Variants in FHIT observed in about 807,000 individuals in gnomAD.
FHIT encodes the protein fragile histidine triad diadenosine triphosphatase.
In FHIT, 19 loss-of-function variants were observed where a neutral mutation model predicts 17.9. The ratio of observed to expected loss-of-function variants is 1.06; its 90% CI spans 0.74 to 1.56. The LOEUF is 1.56. FHIT is among the 40% of genes most tolerant of loss of function. The pLI is 0.00. For missense variants in FHIT, 248 were observed against 189.2 expected (o/e 1.31, Z -1.82); for synonymous variants, 81 against 69.7 (o/e 1.16, Z -0.81).
chr3:60,031,392 A>T (rs1318813123), intron 5 of FHIT, among the ~76,000 whole-genome samples: 1 of 152,236 alleles, frequency 6.6e-6, no homozygotes, highest in Non-Finnish European at 1.5e-5. Flanking sequence ...AAAGGCAGTC[A>T]TTCTAGGAAG....
intron 8 of FHIT, among the ~76,000 whole-genome samples, chr3:59,803,504 G>A (rs933508813): frequency 6.6e-6 from 1 of 152,176 alleles, no homozygotes; most frequent in African/African-American, 2.4e-5. Context: ...TCATTAGAGT[G>A]GGGGATGTGC....
chr3:60,839,589 A>G (rs1702648558), intron 3 of FHIT, among the ~76,000 whole-genome samples: 1 of 152,176 alleles, frequency 6.6e-6, no homozygotes, highest in South Asian at 2.1e-4. Flanking sequence ...ACAGTGGCTG[A>G]GAAAAAAAAA....
intron 5 of FHIT, among the ~76,000 whole-genome samples, chr3:60,483,284 A>G (rs571389649): frequency 9.8e-5 from 15 of 152,316 alleles, no homozygotes; most frequent in Admixed American, 3.9e-4. Context: ...TTCTGAAACT[A>G]TTCCAAACAG....
chr3:60,703,271 C>A (rs1466835140), intron 4 of FHIT, among the ~76,000 whole-genome samples: 1 of 152,126 alleles, frequency 6.6e-6, no homozygotes, highest in Non-Finnish European at 1.5e-5. Flanking sequence ...CCCCTTAGAG[C>A]CTTCAAAGGC....
At chr3:60,121,991 T>C (rs1705278950) in intron 5 of FHIT, among the ~76,000 whole-genome samples, 1 of 152,160 alleles carries the variant, frequency 6.6e-6, no homozygotes, top group Non-Finnish European at 1.5e-5. Context: ...CTAAGTATAA[T>C]CTGCTTTCCT....
chr3:60,029,503 C>T (rs1249554198), intron 5 of FHIT, among the ~76,000 whole-genome samples: 1 of 152,168 alleles, frequency 6.6e-6, no homozygotes, highest in South Asian at 2.1e-4. Flanking sequence ...TATGCAGTCT[C>T]TCTCCAGAAA....
chr3:61,064,266 T>C (rs879378822), intron 2 of FHIT, among the ~76,000 whole-genome samples: 3 of 152,182 alleles, frequency 2.0e-5, no homozygotes, highest in Non-Finnish European at 4.4e-5. Context: ...ATGGCCCTTT[T>C]TGCTCCCTTC....
chr3:60,037,547 A>G (rs1039846791), intron 5 of FHIT, among the ~76,000 whole-genome samples: 10 of 150,084 alleles, frequency 6.7e-5, no homozygotes, highest in African/African-American at 2.2e-4. Context: ...CGCACTGGCT[A>G]ATTTTTGTAT....
chr3:61,070,092 C>T (rs1414650970), intron 2 of FHIT, among the ~76,000 whole-genome samples: 3 of 152,128 alleles, frequency 2.0e-5, no homozygotes, highest in African/African-American at 7.2e-5. Context: ...CGGGGTTTCA[C>T]CATGTTGGCC....
chr3:60,860,492 A>G (rs1553751573), intron 3 of FHIT, among the ~76,000 whole-genome samples: 1 of 128,136 alleles, frequency 7.8e-6, no homozygotes, highest in Non-Finnish European at 1.7e-5. Flanking sequence ...CATATGTATC[A>G]TATATATCAG....
intron 4 of FHIT, among the ~76,000 whole-genome samples, chr3:60,753,392 A>G (rs915493320): frequency 1.3e-5 from 2 of 152,138 alleles, no homozygotes; most frequent in Non-Finnish European, 2.9e-5. Flanking sequence ...CAGAACAATC[A>G]CAAAAAGGGA....
At chr3:60,031,229 C>T (rs1010152917) in intron 5 of FHIT, among the ~76,000 whole-genome samples, 3 of 152,186 alleles carry the variant, frequency 2.0e-5, no homozygotes, top group African/African-American at 4.8e-5. Context: ...TCACTCTGAT[C>T]TTATTGACAG....
intron 8 of FHIT, among the ~76,000 whole-genome samples, chr3:59,857,406 A>T (rs1702203621): frequency 6.6e-6 from 1 of 151,882 alleles, no homozygotes; most frequent in African/African-American, 2.4e-5. Flanking sequence ...CCTACCTGCA[A>T]CTCTCTACCA....
chr3:59,901,351 G>A (rs911069624), intron 8 of FHIT, among the ~76,000 whole-genome samples: 17 of 152,166 alleles, frequency 1.1e-4, no homozygotes, highest in Non-Finnish European at 2.4e-4. Flanking sequence ...CAAGACAAAG[G>A]TAAGTATGCC....
At position 60,538,180 on chromosome 3, in the gene FHIT, C is replaced by G. The variant is rs998735950; in HGVS notation, c.-17-1201G>C. 2.6e-5 allele frequency among the ~76,000 whole-genome samples: 4 copies of G among 152,162 alleles called. No individual in the cohort carries two copies. In the South Asian group the frequency reaches 8.3e-4, roughly 32 times the overall value. On this transcript the variant is annotated intron_variant, in intron 4 of 9. Transcript: ENST00000492590. ...AGAGAGCAAACTCATGAGTGAACTC[C>G]CATTCACAATTGCTTCAAAGAGAAT...
At position 60,081,776 on chromosome 3, in the gene FHIT, A is replaced by T. The variant is rs189303639; in HGVS notation, c.104-67624T>A. On this transcript the variant is annotated intron_variant, in intron 5 of 9. Coordinates refer to ENST00000492590, the MANE Select transcript of FHIT (RefSeq NM_002012.4). ...TTTTGAGAGATATATACAGGACCCT[A>T]ATCAGAGAGAGTGCCAGGAATAACA... Among the ~76,000 whole-genome samples, 341 of 152,226 alleles carry T rather than the reference A, an allele frequency of 2.2e-3. 3 individuals carry two copies. Among genetic ancestry groups the T allele is most frequent in the African/African-American group, 7.8e-3 (323 of 41,548 alleles).
At chr3:60,620,585 GAAAA>G (rs562373515) in intron 4 of FHIT, among the ~76,000 whole-genome samples, 2 of 134,182 alleles carry the variant, frequency 1.5e-5, no homozygotes, top group African/African-American at 5.5e-5. Flanking sequence ...GGATACATTG[GAAAA>G]AAAAAAAAAA....
intron 5 of FHIT, among the ~76,000 whole-genome samples, chr3:60,191,377 G>A (rs540475082): frequency 4.6e-5 from 7 of 152,262 alleles, no homozygotes; most frequent in Non-Finnish European, 1.0e-4. Context: ...TTAGAAAACG[G>A]CAGGTTGTCA....
At chr3:60,981,183 T>C (rs1710474486) in intron 3 of FHIT, among the ~76,000 whole-genome samples, 1 of 152,214 alleles carries the variant, frequency 6.6e-6, no homozygotes, top group Non-Finnish European at 1.5e-5. Flanking sequence ...AATACCCTTC[T>C]GCCCAACACT....
Sources: allele counts gnomAD v4.1 joint callset (sites outside exome capture counted in the v4.1 genomes callset), GRCh38; gene constraint gnomAD v4.1.1; transcripts MANE v1.5; gene names NCBI Gene and HGNC (gene_info 2026-07-23, HGNC 2026-07-21).